RNF182: variants seen among roughly 807,000 people sequenced by gnomAD.
The protein encoded by RNF182 is E3 ubiquitin-protein ligase RNF182.
Under a neutral mutation model 14.4 loss-of-function variants are expected in RNF182, and 15 were observed. That is an observed-to-expected ratio of 1.04 (90% confidence interval 0.70 to 1.60). The LOEUF is 1.60. Among genes scored for constraint, RNF182 ranks in the 40% most tolerant of loss-of-function variants. RNF182 has a pLI of 0.00. For missense variants in RNF182, 268 were observed against 294.8 expected, an observed-to-expected ratio of 0.91 and a Z score of 0.67; for synonymous variants, 128 against 122.9, an observed-to-expected ratio of 1.04 and a Z score of -0.27.
At chr6:13,937,105 G>A (rs976298428) in intron 1 of RNF182, among the ~76,000 whole-genome samples, 2 of 152,162 alleles carry the variant, frequency 1.3e-5, no homozygotes, top group Non-Finnish European at 2.9e-5. Context: ...CACATTACTT[G>A]TTTTGTGTTG....
intron 1 of RNF182, among the ~76,000 whole-genome samples, chr6:13,956,071 C>T (rs551679588): frequency 8.5e-5 from 13 of 152,302 alleles, no homozygotes; most frequent in Non-Finnish European, 1.6e-4. Flanking sequence ...GCTTCTTTCA[C>T]TTCACATAAT....
At chr6:13,928,918 G>C (rs1411844763) in intron 1 of RNF182, among the ~76,000 whole-genome samples, 1 of 152,126 alleles carries the variant, frequency 6.6e-6, no homozygotes, top group Non-Finnish European at 1.5e-5. Flanking sequence ...CAGGAAGCTG[G>C]GGGACAGTGA....
chr6:13,948,001 G>A (rs557558122), intron 1 of RNF182, among the ~76,000 whole-genome samples: 27 of 152,298 alleles, frequency 1.8e-4, no homozygotes, highest in African/African-American at 6.0e-4. Context: ...GTTTACAGTA[G>A]TATATTATAC....
At chr6:13,959,685 T>TG (rs1262803743) in intron 1 of RNF182, among the ~76,000 whole-genome samples, 2 of 152,180 alleles carry the variant, frequency 1.3e-5, no homozygotes, top group East Asian at 3.8e-4. Flanking sequence ...GAATCAAAGG[T>TG]GACTCCTAGT....
chr6:13,938,081 A>G (rs187282507), intron 1 of RNF182, among the ~76,000 whole-genome samples: 22 of 146,510 alleles, frequency 1.5e-4, no homozygotes, highest in African/African-American at 5.3e-4. Flanking sequence ...GCTCACTGCA[A>G]ACTCCGCCTA....
At chr6:13,974,492 A>G (rs1490015588) in intron 2 of RNF182, 128 bp downstream of exon 2, 6 of 152,230 alleles carry the variant, frequency 3.9e-5, no homozygotes, top group African/African-American at 1.4e-4. Flanking sequence ...TAACATACTC[A>G]GTAATCTGAT....
At chr6:13,940,619 T>C (rs1759269928) in intron 1 of RNF182, among the ~76,000 whole-genome samples, 1 of 152,126 alleles carries the variant, frequency 6.6e-6, no homozygotes, top group Admixed American at 6.5e-5. Flanking sequence ...CTGTTCATAG[T>C]TTGTTCTTTC....
chr6:13,936,494 C>T (rs750677078), intron 1 of RNF182, among the ~76,000 whole-genome samples: 32 of 152,194 alleles, frequency 2.1e-4, no homozygotes, highest in Non-Finnish European at 3.8e-4. Context: ...TTTTCTTTCA[C>T]AGGCAGTTTA....
rs1382797829 is a variant in RNF182, at chr6:13,977,627, G to A, written c.508G>A (p.Val170Met). ...CACCACTGTGTCACACAACTGGACT[G>A]TGTGGAACTGCACGTCCCTGCTGTT... ...SVTTVSHNWT[V>M]WNCTSLLFQT... Residue 170 changes from valine (V) to methionine (M), a missense_variant, in exon 3 of 3, where the codon GTG becomes ATG. Physicochemically the swap from Val to Met is conservative, Grantham distance 21 (BLOSUM62 1). Coordinates refer to ENST00000488300, the MANE Select transcript of RNF182 (RefSeq NM_152737.4). The A allele has an allele frequency of 2.5e-6, 4 of 1,614,204 alleles. No individual in the cohort carries two copies. The highest frequency in any genetic ancestry group is 1.7e-6 in the Non-Finnish European group (2 of 1,180,034).
intron 1 of RNF182, among the ~76,000 whole-genome samples, chr6:13,939,839 G>A (rs144238023): frequency 4.1e-4 from 62 of 152,260 alleles, no homozygotes; most frequent in African/African-American, 1.3e-3. Flanking sequence ...CACTGTGCCC[G>A]GGCATAAATG....
chr6:13,927,639 G>A (rs1012898555), intron 1 of RNF182, among the ~76,000 whole-genome samples: 5 of 152,218 alleles, frequency 3.3e-5, no homozygotes, highest in African/African-American at 1.2e-4. Flanking sequence ...TTATGTTTGT[G>A]CCATTGAAAG....
intron 1 of RNF182, among the ~76,000 whole-genome samples, chr6:13,973,441 G>A (rs1760244415): frequency 6.6e-6 from 1 of 152,114 alleles, no homozygotes; most frequent in Non-Finnish European, 1.5e-5. Flanking sequence ...ATATGGTTTG[G>A]CTGTGTGTCC....
intron 1 of RNF182, among the ~76,000 whole-genome samples, chr6:13,945,041 C>G (rs1444970802): frequency 6.6e-6 from 1 of 152,138 alleles, no homozygotes; most frequent in African/African-American, 2.4e-5. Flanking sequence ...GATTTGCTTT[C>G]TTAGGGTGGA....
At position 13,977,552 on chromosome 6, in the gene RNF182, A is replaced by G. The variant is rs548450411; in HGVS notation, c.433A>G (p.Ser145Gly). 2 of 1,614,160 alleles carry G rather than the reference A, an allele frequency of 1.2e-6. No homozygotes were observed. Among genetic ancestry groups the G allele is most frequent in the African/African-American group, 1.3e-5 (1 of 75,038 alleles). ...GCAGAGAGAGAGCTCCCCGTCCCTG[A>G]GCTCCACTCCTGTGGTAGAATTTTA... ...EVQRESSPSL[S>G]STPVVEFYRP... The change falls in exon 3 of 3, where the codon AGC becomes GGC. Residue 145 changes from serine to glycine, a missense_variant. By Grantham distance (56) the Ser-to-Gly change is moderately conservative (BLOSUM62 0). Coordinates refer to ENST00000488300, the MANE Select transcript of RNF182 (RefSeq NM_152737.4).
rs1472007767 is a variant in RNF182, at chr6:13,960,684, T to C, written c.-366-13526T>C. On this transcript the variant is annotated intron_variant, in intron 1 of 2. Coordinates refer to ENST00000488300, the MANE Select transcript of RNF182 (RefSeq NM_152737.4). Reference sequence around the variant, plus strand: ...GTGTGTGTGTGTGTGTGTGTGTGTGTGTGTGTGTGCGCGCGTGCACATGCA... The same window carrying C: ...GTGTGTGTGTGTGTGTGTGTGTGTGCGTGTGTGTGCGCGCGTGCACATGCA... Among the ~76,000 whole-genome samples, 120 of 111,274 alleles carry C rather than the reference T, an allele frequency of 1.1e-3. 1 individual carries two copies. Among genetic ancestry groups the C allele is most frequent in the African/African-American group, 2.8e-3 (94 of 33,976 alleles). 73.0% of individuals were successfully genotyped at this position (111,274 alleles called of 152,430 possible).
rs1758777475 is a variant in RNF182, at chr6:13,925,003, C to T, written c.-387C>T. The T allele has an allele frequency of 6.4e-5, 1 of 15,686 alleles. No homozygotes were observed. The highest frequency in any genetic ancestry group is 8.4e-4 in the Admixed American group (1 of 1,192). 1.0% of individuals were successfully genotyped at this position (15,686 alleles called of 1,614,324 possible). On this transcript the variant is annotated 5_prime_UTR_variant, in exon 1 of 3. Coordinates refer to ENST00000488300, the MANE Select transcript of RNF182 (RefSeq NM_152737.4). The stretch of plus-strand genomic sequence containing the variant: ...CGCCGCAGCCGGAGCGGCTCCCGGG[C>T]CCTGGGCCGCCGCCGGCCAGGTAAG...
chr6:13,944,764 C>T (rs1387734227), intron 1 of RNF182, among the ~76,000 whole-genome samples: 1 of 152,144 alleles, frequency 6.6e-6, no homozygotes, highest in African/African-American at 2.4e-5. Context: ...GAGACAGAAG[C>T]ACAGATATTT....
chr6:13,959,942 C>G (rs1000933036), intron 1 of RNF182, among the ~76,000 whole-genome samples: 2 of 152,136 alleles, frequency 1.3e-5, no homozygotes, highest in African/African-American at 2.4e-5. Context: ...GGAGATGGAA[C>G]AATCCAAGGG....
chr6:13,932,668 A>C (rs1466216631), intron 1 of RNF182, among the ~76,000 whole-genome samples: 1 of 152,192 alleles, frequency 6.6e-6, no homozygotes, highest in Non-Finnish European at 1.5e-5. Flanking sequence ...AAACATTTCA[A>C]TCAAAATAAA....
Sources: gnomAD v4.1 joint callset for allele counts (sites outside exome capture counted in the v4.1 genomes callset) on GRCh38, gnomAD v4.1.1 for gene constraint, MANE v1.5 for transcripts, NCBI Gene and HGNC (gene_info 2026-07-23, HGNC 2026-07-21) for gene names.